Variants in PTCHD4 observed in about 807,000 individuals in gnomAD.
The protein encoded by PTCHD4 is patched domain-containing protein 4.
PTCHD4 carries 33 observed loss-of-function variants against 58.1 expected under a neutral mutation model. That is an observed-to-expected ratio of 0.57 (90% CI 0.43 to 0.76). The LOEUF (loss-of-function observed/expected upper bound fraction) is 0.76, where lower values mean the gene tolerates loss of function less well. Ranked by LOEUF, PTCHD4 falls within the 30% of genes least tolerant of loss-of-function variation. The pLI is 0.00. For missense variants in PTCHD4, 1,058 were observed against 1,027.1 expected (o/e 1.03, Z -0.41); for synonymous variants, 478 against 409.6 (o/e 1.17, Z -2.02).
In PTCHD4 at chr6:47,866,153, T is replaced by C. The variant is rs1018108647; in HGVS notation, c.*12150A>G. Among the ~76,000 whole-genome samples the C allele has an allele frequency of 1.3e-5, 2 of 151,924 alleles. No homozygotes were observed. Among genetic ancestry groups the C allele is most frequent in the African/African-American group, 4.8e-5 (2 of 41,412 alleles). On this transcript the variant is annotated 3_prime_UTR_variant, in exon 5 of 5. Coordinates refer to ENST00000339488, the MANE Select transcript of PTCHD4 (RefSeq NM_001384253.1). ...TACAAGTTCTGGCTTATATTCTAGT[T>C]ATAGATGTCACAGACGCTTTTGTCT...
chr6:47,887,207 A>T (rs1326289320), intron 4 of PTCHD4, among the ~76,000 whole-genome samples: 1 of 149,390 alleles, frequency 6.7e-6, no homozygotes, highest in Non-Finnish European at 1.5e-5. Context: ...CTATATAAAT[A>T]TATTAATTTA....
At chr6:47,935,695 A>G (rs974827283) in intron 4 of PTCHD4, among the ~76,000 whole-genome samples, 38 of 152,342 alleles carry the variant, frequency 2.5e-4, no homozygotes, top group African/African-American at 9.1e-4. Flanking sequence ...TTCAACAAAT[A>G]TATAGATTAC....
chr6:47,947,661 C>T (rs1766477936), intron 4 of PTCHD4, among the ~76,000 whole-genome samples: 1 of 151,898 alleles, frequency 6.6e-6, no homozygotes, highest in Non-Finnish European at 1.5e-5. Flanking sequence ...AATTTTGTTC[C>T]ATTGGGTGTT....
chr6:47,994,382 A>G (rs1181722950), intron 4 of PTCHD4, among the ~76,000 whole-genome samples: 2 of 152,240 alleles, frequency 1.3e-5, no homozygotes, highest in Non-Finnish European at 1.5e-5. Context: ...AATTCCTCCT[A>G]TATTGTCCTA....
At chr6:47,963,511 A>G (rs771361999) in intron 4 of PTCHD4, among the ~76,000 whole-genome samples, 6 of 152,224 alleles carry the variant, frequency 3.9e-5, no homozygotes, top group Non-Finnish European at 5.9e-5. Context: ...TGAAATCAGT[A>G]TCTCCGAGAG....
At chr6:47,995,621 G>T (rs1314914129) in intron 4 of PTCHD4, among the ~76,000 whole-genome samples, 2 of 152,108 alleles carry the variant, frequency 1.3e-5, no homozygotes, top group African/African-American at 4.8e-5. Context: ...TAAGACAGAA[G>T]TTCTTCCCCT....
At chr6:48,018,570 A>T (rs1477408096) in intron 3 of PTCHD4, among the ~76,000 whole-genome samples, 2 of 152,188 alleles carry the variant, frequency 1.3e-5, no homozygotes, top group Non-Finnish European at 1.5e-5. Flanking sequence ...AAGGATAAGG[A>T]ATTTGCCCTA....
At chr6:48,048,616 G>A (rs332557) in intron 3 of PTCHD4, among the ~76,000 whole-genome samples, 130,953 of 151,788 alleles carry the variant, frequency 0.86, 56,474 homozygotes, top group Middle Eastern at 0.87. Context: ...TTGTGCCAGT[G>A]ACTAGGTTTT....
At chr6:47,950,462 G>C (rs1449519667) in intron 4 of PTCHD4, among the ~76,000 whole-genome samples, 3 of 152,106 alleles carry the variant, frequency 2.0e-5, no homozygotes, top group South Asian at 2.1e-4. Context: ...AGATGAAAAG[G>C]TTACATAGAT....
chr6:48,109,141 C>T (rs1053722665), intron 1 of PTCHD4, among the ~76,000 whole-genome samples: 3 of 152,076 alleles, frequency 2.0e-5, no homozygotes, highest in African/African-American at 7.2e-5. Context: ...TTTTAAATGA[C>T]ATCTGCTTAT....
chr6:47,901,761 GTGA>G (rs979836874), intron 4 of PTCHD4: 339 of 1,225,258 alleles, frequency 2.8e-4, no homozygotes, highest in South Asian at 6.8e-4. Flanking sequence ...GGTATTGGTG[GTGA>G]TGATGATGAT....
chr6:47,910,245 C>T (rs934275036), intron 4 of PTCHD4, among the ~76,000 whole-genome samples: 1 of 152,146 alleles, frequency 6.6e-6, no homozygotes, highest in Non-Finnish European at 1.5e-5. Flanking sequence ...AGAAGAGACA[C>T]TGTTTACCTC....
intron 4 of PTCHD4, among the ~76,000 whole-genome samples, chr6:47,988,503 G>A (rs1028148179): frequency 6.6e-6 from 1 of 152,126 alleles, no homozygotes; most frequent in African/African-American, 2.4e-5. Flanking sequence ...ATATGGTTTG[G>A]CTCTCTGTCC....
chr6:47,866,018 C>T lies in PTCHD4; in HGVS notation c.*12285G>A, dbSNP rs1469975932. Among the ~76,000 whole-genome samples, 1 of 151,794 alleles carries T rather than the reference C, an allele frequency of 6.6e-6. No individual in the cohort carries two copies. Among genetic ancestry groups the T allele is most frequent in the East Asian group, 1.9e-4 (1 of 5,148 alleles). On this transcript the variant is annotated 3_prime_UTR_variant, in exon 5 of 5. Transcript: ENST00000339488. ...GTCCCGTCACATGGGGTGCTCAGGC[C>T]AATAATCTTACCTCATCTTAAGTGC...
At chr6:48,054,763 G>A (rs192896831) in intron 3 of PTCHD4, among the ~76,000 whole-genome samples, 10 of 152,172 alleles carry the variant, frequency 6.6e-5, no homozygotes, top group East Asian at 1.9e-4. Context: ...GATGACAACC[G>A]TGTATTTTAT....
chr6:48,044,356 T>C (rs1763958522), intron 3 of PTCHD4, among the ~76,000 whole-genome samples: 1 of 151,936 alleles, frequency 6.6e-6, no homozygotes, highest in East Asian at 1.9e-4. Context: ...TGTAATACAT[T>C]TGTCTATTTT....
intron 4 of PTCHD4, among the ~76,000 whole-genome samples, chr6:47,975,198 G>A (rs1273695673): frequency 1.3e-5 from 2 of 152,072 alleles, no homozygotes; most frequent in East Asian, 1.9e-4. Context: ...TATACCCGGT[G>A]AGTAGCATCA....
In PTCHD4 at chr6:47,864,302, T is replaced by TGA. The variant is rs1270074140; in HGVS notation, c.*13999_*14000dup. 1.5e-4 allele frequency among the ~76,000 whole-genome samples: 15 copies of TGA among 100,160 alleles called. No individual in the cohort carries two copies. In the South Asian group the frequency reaches 2.1e-3, roughly 14 times the overall value. The allele number at this position is 100,160 out of a possible 152,430, so 65.7% of individuals were successfully genotyped here. ...CTCTATAAATGGAGCCCATTATTTT[T>TGA]GAGATATATATATACACACACACAC... On this transcript the variant is annotated 3_prime_UTR_variant, in exon 5 of 5. Coordinates refer to ENST00000339488, the MANE Select transcript of PTCHD4 (RefSeq NM_001384253.1).
At position 47,865,463 on chromosome 6, in the gene PTCHD4, A is replaced by G. The variant is rs990413251; in HGVS notation, c.*12840T>C. 4.6e-5 allele frequency among the ~76,000 whole-genome samples: 7 copies of G among 151,904 alleles called. No individual in the cohort carries two copies. The highest frequency in any genetic ancestry group is 8.8e-5 in the Non-Finnish European group (6 of 67,892). On this transcript the variant is annotated 3_prime_UTR_variant, in exon 5 of 5. Coordinates refer to ENST00000339488, the MANE Select transcript of PTCHD4 (RefSeq NM_001384253.1). ...CAGGAATGTGAAGATTAAACTATAC[A>G]TTAGAGTATTGTAGTAAATAGATCA...
Sources: gnomAD v4.1 joint callset for allele counts (sites outside exome capture counted in the v4.1 genomes callset) on GRCh38, gnomAD v4.1.1 for gene constraint, MANE v1.5 for transcripts, NCBI Gene and HGNC (gene_info 2026-07-23, HGNC 2026-07-21) for gene names.